Variants in FBXL20 observed in about 807,000 individuals in gnomAD.
FBXL20 encodes the protein F-box/LRR-repeat protein 20.
FBXL20 carries 11 observed loss-of-function variants against 64.0 expected under a neutral mutation model. The observed-to-expected ratio is 0.17, with a 90% CI of 0.11 to 0.28. The LOEUF (loss-of-function observed/expected upper bound fraction) is 0.28. Ranked by LOEUF, FBXL20 falls within the 10% of genes least tolerant of loss-of-function variation. The pLI, the probability that FBXL20 is intolerant of heterozygous loss-of-function variation, is 1.00. For synonymous variants in FBXL20, 184 were observed against 189.0 expected (o/e 0.97, Z 0.22); for missense variants, 303 against 526.2 (o/e 0.58, Z 4.15).
At chr17:39,355,725 G>A (rs1230634673) in intron 1 of FBXL20, among the ~76,000 whole-genome samples, 1 of 151,492 alleles carries the variant, frequency 6.6e-6, no homozygotes, top group African/African-American at 2.4e-5. Context: ...CGTGGTGGCA[G>A]GTGCCTGTAA....
intron 1 of FBXL20, among the ~76,000 whole-genome samples, chr17:39,385,463 A>G (rs1310528588): frequency 6.6e-6 from 1 of 152,186 alleles, no homozygotes; most frequent in Non-Finnish European, 1.5e-5. Flanking sequence ...ATACTAAAGC[A>G]ACAGTTTAAC....
intron 2 of FBXL20, among the ~76,000 whole-genome samples, chr17:39,333,678 G>A (rs181499139): frequency 9.5e-4 from 145 of 152,032 alleles, no homozygotes; most frequent in African/African-American, 3.1e-3. Flanking sequence ...CTTCCCGGCC[G>A]TCATCCCGTC....
At chr17:39,331,901 T>A (rs1016564571) in intron 2 of FBXL20, among the ~76,000 whole-genome samples, 2 of 152,232 alleles carry the variant, frequency 1.3e-5, no homozygotes, top group Non-Finnish European at 2.9e-5. Context: ...TTTGGCCTGC[T>A]ACAACAAAAT....
chr17:39,337,519 G>A (rs2047535701), intron 2 of FBXL20, among the ~76,000 whole-genome samples: 4 of 151,686 alleles, frequency 2.6e-5, no homozygotes, highest in Non-Finnish European at 4.4e-5. Context: ...CTGCCCGGCC[G>A]CCCATCGTCT....
intron 10 of FBXL20, among the ~76,000 whole-genome samples, chr17:39,272,083 T>C (rs1319510405): frequency 6.6e-6 from 1 of 151,788 alleles, no homozygotes; most frequent in Non-Finnish European, 1.5e-5. Flanking sequence ...ACTTCACCAG[T>C]ATAAAAAAAT....
chr17:39,402,241 G>C (rs2048255286), upstream of FBXL20: 1 of 1,228,238 alleles, frequency 8.1e-7, no homozygotes, highest in Admixed American at 4.4e-5. Flanking sequence ...TTCTGGATGT[G>C]TCTAGATTGG....
intron 2 of FBXL20, among the ~76,000 whole-genome samples, chr17:39,307,026 C>A (rs183922028): frequency 6.3e-4 from 96 of 152,098 alleles, no homozygotes; most frequent in Middle Eastern, 3.4e-3. Context: ...TAAGGAGAAC[C>A]GGATAGGTGG....
intron 9 of FBXL20, among the ~76,000 whole-genome samples, chr17:39,280,256 A>G (rs978740064): frequency 1.4e-5 from 2 of 140,292 alleles, no homozygotes; most frequent in Non-Finnish European, 1.6e-5. Flanking sequence ...AAAAAAAATT[A>G]GCCGGGCATG....
chr17:39,314,510 A>G (rs2047265928), intron 2 of FBXL20, among the ~76,000 whole-genome samples: 1 of 151,786 alleles, frequency 6.6e-6, no homozygotes, highest in African/African-American at 2.4e-5. Flanking sequence ...AACCACATCC[A>G]GCCTTGTGCC....
At chr17:39,309,208 A>C (rs934086291) in intron 2 of FBXL20, among the ~76,000 whole-genome samples, 3 of 152,208 alleles carry the variant, frequency 2.0e-5, no homozygotes, top group Non-Finnish European at 2.9e-5. Context: ...GATAGAAATA[A>C]GGGACTGAAG....
At chr17:39,343,147 A>T (rs777702612) in intron 2 of FBXL20, 33 bp downstream of exon 2, 9 of 1,525,294 alleles carry the variant, frequency 5.9e-6, no homozygotes, top group Non-Finnish European at 8.0e-6. Context: ...ACATACACAT[A>T]AAAAAACCCA....
intron 2 of FBXL20, among the ~76,000 whole-genome samples, chr17:39,316,754 G>A (rs1002993311): frequency 6.6e-6 from 1 of 152,246 alleles, no homozygotes; most frequent in Non-Finnish European, 1.5e-5. Flanking sequence ...GGGAGGCCAA[G>A]GCGGGGGTGG....
At chr17:39,323,862 G>C (rs2047381564) in intron 2 of FBXL20, among the ~76,000 whole-genome samples, 1 of 151,402 alleles carries the variant, frequency 6.6e-6, no homozygotes, top group Non-Finnish European at 1.5e-5. Flanking sequence ...AACCTCCCAG[G>C]TTCAAGCAAT....
At chr17:39,349,549 C>CT (rs1437570298) in intron 1 of FBXL20, among the ~76,000 whole-genome samples, 1 of 151,678 alleles carries the variant, frequency 6.6e-6, no homozygotes, top group Non-Finnish European at 1.5e-5. Flanking sequence ...GTTTACACCA[C>CT]TGTACTCCAG....
chr17:39,395,650 A>G (rs2048176006), intron 1 of FBXL20, among the ~76,000 whole-genome samples: 1 of 152,228 alleles, frequency 6.6e-6, no homozygotes, highest in Non-Finnish European at 1.5e-5. Flanking sequence ...TTTTCAAAAG[A>G]AACAAATTAC....
chr17:39,380,227 A>G (rs11078898), intron 1 of FBXL20, among the ~76,000 whole-genome samples: 56,292 of 152,018 alleles, frequency 0.37, 13,122 homozygotes, highest in African/African-American at 0.66. Flanking sequence ...TTCAAAAACA[A>G]ATCTATGAAT....
chr17:39,391,592 C>T (rs1460184155), intron 1 of FBXL20, among the ~76,000 whole-genome samples: 2 of 152,078 alleles, frequency 1.3e-5, no homozygotes, highest in Non-Finnish European at 2.9e-5. Context: ...CATTTTGTTT[C>T]ATAGTTCGGA....
chr17:39,268,547 C>A (rs955352758), intron 12 of FBXL20, among the ~76,000 whole-genome samples: 3 of 152,090 alleles, frequency 2.0e-5, no homozygotes, highest in African/African-American at 7.2e-5. Context: ...AGCATCATAA[C>A]TCTACAGGTC....
intron 2 of FBXL20, among the ~76,000 whole-genome samples, chr17:39,311,871 A>T (rs1217622841): frequency 6.6e-6 from 1 of 152,172 alleles, no homozygotes; most frequent in Non-Finnish European, 1.5e-5. Flanking sequence ...ACCTTTCAAG[A>T]GAAAGGTTCT....
Sources: gnomAD v4.1 joint callset for allele counts (sites outside exome capture counted in the v4.1 genomes callset) on GRCh38, gnomAD v4.1.1 for gene constraint, MANE v1.5 for transcripts, NCBI Gene and HGNC (gene_info 2026-07-23, HGNC 2026-07-21) for gene names.